The following IFT56 variants were observed in gnomAD, a reference collection of about 807,000 sequenced individuals.
The protein encoded by IFT56 is intraflagellar transport protein 56.
At chr7:139,191,577 T>C in the IFT56 span, 4 of 152,214 alleles carry the variant, frequency 2.6e-5, no homozygotes, top group Non-Finnish European at 5.9e-5. Flanking sequence ...CATTTTCCTG[T>C]CTTTTGGGAA....
the IFT56 span, among the ~76,000 whole-genome samples, chr7:139,154,793 C>T: frequency 6.6e-6 from 1 of 151,900 alleles, no homozygotes; most frequent in Non-Finnish European, 1.5e-5. Context: ...GTTTGTTTTC[C>T]CAGATTGTTT....
At chr7:139,174,057 C>T in the IFT56 span, 1 of 608,152 alleles carries the variant, frequency 1.6e-6, no homozygotes, top group Non-Finnish European at 3.2e-6. Flanking sequence ...CACCAGGCAA[C>T]CTGCAGCACT....
the IFT56 span, among the ~76,000 whole-genome samples, chr7:139,138,408 G>C: frequency 6.6e-6 from 1 of 152,056 alleles, no homozygotes; most frequent in Non-Finnish European, 1.5e-5. Context: ...TGTAAGTATA[G>C]GAAAAAAACA....
At chr7:139,170,479 C>A in the IFT56 span, among the ~76,000 whole-genome samples, 1 of 152,100 alleles carries the variant, frequency 6.6e-6, no homozygotes, top group Non-Finnish European at 1.5e-5. Context: ...AAACAGAATT[C>A]AACAACACAT....
At chr7:139,150,255 G>A in the IFT56 span, among the ~76,000 whole-genome samples, 21 of 152,156 alleles carry the variant, frequency 1.4e-4, no homozygotes, top group African/African-American at 2.7e-4. Context: ...TAAGAGACTC[G>A]ATTAGCAATT....
chr7:139,154,454 C>T, the IFT56 span, among the ~76,000 whole-genome samples: 1 of 151,574 alleles, frequency 6.6e-6, no homozygotes, highest in African/African-American at 2.4e-5. Context: ...GTGTTTTCCA[C>T]TAAGAGTTTT....
the IFT56 span, among the ~76,000 whole-genome samples, chr7:139,171,319 C>T: frequency 6.6e-6 from 1 of 152,122 alleles, no homozygotes; most frequent in Non-Finnish European, 1.5e-5. Context: ...CAATGATATT[C>T]TTCATAAAAA....
chr7:139,166,881 C>A, the IFT56 span: 3 of 1,583,014 alleles, frequency 1.9e-6, no homozygotes, highest in Non-Finnish European at 2.6e-6. Context: ...GGATCTGGAA[C>A]CTACTACTCC....
the IFT56 span, among the ~76,000 whole-genome samples, chr7:139,171,875 G>A: frequency 6.6e-6 from 1 of 152,082 alleles, no homozygotes; most frequent in Non-Finnish European, 1.5e-5. Context: ...TTACAGAAAG[G>A]TAGCCATAAC....
At chr7:139,138,197 G>A in the IFT56 span, among the ~76,000 whole-genome samples, 8 of 152,136 alleles carry the variant, frequency 5.3e-5, no homozygotes, top group Middle Eastern at 3.4e-3. Flanking sequence ...TTTGCTTCCC[G>A]AGGTCAATCT....
chr7:139,173,093 T>C, the IFT56 span: 2 of 727,722 alleles, frequency 2.7e-6, no homozygotes, highest in Admixed American at 1.8e-5. Flanking sequence ...GGTTCACTAA[T>C]GGTTGGCTGA....
chr7:139,144,948 C>T, the IFT56 span, among the ~76,000 whole-genome samples: 1 of 152,098 alleles, frequency 6.6e-6, no homozygotes, highest in African/African-American at 2.4e-5. Flanking sequence ...GTTCTTATCT[C>T]CTGGTTTGCT....
the IFT56 span, among the ~76,000 whole-genome samples, chr7:139,164,498 T>G: frequency 6.6e-6 from 1 of 152,220 alleles, no homozygotes; most frequent in Admixed American, 6.5e-5. Flanking sequence ...TTTCTCATAG[T>G]TATAATTTTA....
At chr7:139,177,740 T>C in the IFT56 span, among the ~76,000 whole-genome samples, 6 of 151,874 alleles carry the variant, frequency 4.0e-5, no homozygotes, top group African/African-American at 1.5e-4. Context: ...GTGGGAGTTA[T>C]ACTAATCCTC....
the IFT56 span, among the ~76,000 whole-genome samples, chr7:139,165,899 A>G: frequency 6.6e-6 from 1 of 152,166 alleles, no homozygotes; most frequent in African/African-American, 2.4e-5. Flanking sequence ...AGGAAAATGT[A>G]TTTATTAAAA....
At chr7:139,177,656 A>T in the IFT56 span, among the ~76,000 whole-genome samples, 1 of 150,748 alleles carries the variant, frequency 6.6e-6, no homozygotes, top group African/African-American at 2.4e-5. Flanking sequence ...TGTACATAGT[A>T]TATCAGACTG....
At chr7:139,185,505 T>C in the IFT56 span, among the ~76,000 whole-genome samples, 1 of 152,142 alleles carries the variant, frequency 6.6e-6, no homozygotes, top group African/African-American at 2.4e-5. Context: ...GTGAGTCTTA[T>C]AATGTTGAAT....
At chr7:139,151,039 C>A in the IFT56 span, among the ~76,000 whole-genome samples, 1 of 152,260 alleles carries the variant, frequency 6.6e-6, no homozygotes, top group Non-Finnish European at 1.5e-5. Flanking sequence ...GGACTGGGCA[C>A]AATGCTTGCA....
chr7:139,142,217 G>A, the IFT56 span: 3 of 1,611,784 alleles, frequency 1.9e-6, no homozygotes, highest in South Asian at 2.2e-5. Flanking sequence ...CTGCTAGACT[G>A]TTGAGTTCTT....
Sources: allele counts gnomAD v4.1 joint callset (sites outside exome capture counted in the v4.1 genomes callset), GRCh38; gene constraint gnomAD v4.1.1; transcripts MANE v1.5; gene names NCBI Gene and HGNC (gene_info 2026-07-23, HGNC 2026-07-21).